SNX29: variants seen among roughly 807,000 people sequenced by gnomAD.
SNX29 encodes sorting nexin-29.
SNX29 carries 78 observed loss-of-function variants against 102.1 expected under a neutral mutation model. The ratio of observed to expected loss-of-function variants is 0.76; its 90% confidence interval spans 0.64 to 0.92. The LOEUF (loss-of-function observed/expected upper bound fraction) is 0.92. SNX29 is among the 40% of genes least tolerant of loss of function. The pLI is 0.00. For missense variants in SNX29, 1,280 were observed against 1,061.7 expected, an observed-to-expected ratio of 1.21 and a Z score of -2.86; for synonymous variants, 580 against 414.5, an observed-to-expected ratio of 1.40 and a Z score of -4.85.
chr16:12,512,089 A>G (rs116828183), intron 19 of SNX29, among the ~76,000 whole-genome samples: 5,530 of 151,850 alleles, frequency 0.036, 131 homozygotes, highest in East Asian at 0.07. Context: ...GTCTCAACAG[A>G]TGAGGCCAAA....
At chr16:12,231,141 A>G (rs13338217) in intron 14 of SNX29, among the ~76,000 whole-genome samples, 2,663 of 152,244 alleles carry the variant, frequency 0.017, 91 homozygotes, top group African/African-American at 0.06. Flanking sequence ...ATGTTAGCCA[A>G]TGTGCCCTGC....
chr16:12,568,324 G>C lies in SNX29; in HGVS notation c.2319-182G>C, dbSNP rs548480716. 7.1e-5 allele frequency among the ~76,000 whole-genome samples: 9 copies of C among 126,202 alleles called. No homozygotes were observed. In the East Asian group the frequency reaches 2.1e-3, roughly 29 times the overall value. The allele number at this position is 126,202 out of a possible 152,430, so 82.8% of individuals were successfully genotyped here. ...GCTGTTAAAAAAAAAAAAATGGAAA[G>C]GTTTACGTGACAATAGGGGTTTCTC... On this transcript the variant is annotated intron_variant, in intron 20 of 20. Coordinates refer to ENST00000566228, the MANE Select transcript of SNX29 (RefSeq NM_032167.5).
chr16:12,327,939 A>G (rs1451207440), intron 15 of SNX29, among the ~76,000 whole-genome samples: 1 of 152,130 alleles, frequency 6.6e-6, no homozygotes, highest in Non-Finnish European at 1.5e-5. Flanking sequence ...ATTTCCGCAT[A>G]ATCTCCGTGT....
At chr16:12,372,553 G>C (rs190736870) in intron 16 of SNX29, 2 of 152,194 alleles carry the variant, frequency 1.3e-5, no homozygotes, top group African/African-American at 2.4e-5. Context: ...GGTTCATGAG[G>C]GGGTGGTAGA....
chr16:12,524,504 A>G (rs1179395189), intron 19 of SNX29, among the ~76,000 whole-genome samples, 198 bp from the exon 20 acceptor site: 3 of 150,768 alleles, frequency 2.0e-5, no homozygotes, highest in Non-Finnish European at 2.9e-5. Flanking sequence ...CCTCCACTTA[A>G]TAATAATATC....
intron 20 of SNX29, among the ~76,000 whole-genome samples, chr16:12,565,446 C>T (rs968264342): frequency 6.6e-6 from 1 of 152,174 alleles, no homozygotes. Flanking sequence ...TCACCTGCCC[C>T]CTCCTCATCC....
chr16:12,297,759 C>G (rs2080030709), intron 15 of SNX29, among the ~76,000 whole-genome samples: 1 of 152,174 alleles, frequency 6.6e-6, no homozygotes, highest in Non-Finnish European at 1.5e-5. Context: ...GAAATGTGAG[C>G]TGCGGAATAT....
At chr16:12,541,770 C>T (rs368286390) in intron 20 of SNX29, among the ~76,000 whole-genome samples, 17 of 152,228 alleles carry the variant, frequency 1.1e-4, no homozygotes, top group Admixed American at 2.6e-4. Flanking sequence ...TACTGACCTG[C>T]GTTTCCAACC....
intron 13 of SNX29, 94 bp downstream of exon 13, chr16:12,129,852 C>T (rs770025076): frequency 8.4e-5 from 119 of 1,418,608 alleles, no homozygotes; most frequent in Admixed American, 5.0e-4. Flanking sequence ...TGCCTGTAAT[C>T]CCAGCACTTT....
intron 3 of SNX29, among the ~76,000 whole-genome samples, chr16:12,009,311 G>T (rs1353186566): frequency 6.6e-6 from 1 of 152,020 alleles, no homozygotes; most frequent in African/African-American, 2.4e-5. Flanking sequence ...GGATTTGGGA[G>T]CCTAAATGGT....
rs372494331 is a variant in SNX29, at chr16:12,553,512, C to G, written c.2319-14994C>G. ...GGCAGGGCAGGTGCACACTTGCCAT[C>G]ACAGTGCTGGAGGAGGGACCCCACA... On this transcript the variant is annotated intron_variant, in intron 20 of 20. Coordinates refer to ENST00000566228, the MANE Select transcript of SNX29 (RefSeq NM_032167.5). 5.9e-5 allele frequency among the ~76,000 whole-genome samples: 9 copies of G among 152,326 alleles called. No individual in the cohort carries two copies. In the East Asian group the frequency reaches 1.2e-3, roughly 20 times the overall value.
chr16:12,508,891 C>T (rs1445150061), intron 19 of SNX29, among the ~76,000 whole-genome samples: 1 of 152,160 alleles, frequency 6.6e-6, no homozygotes, highest in African/African-American at 2.4e-5. Flanking sequence ...GAACATGGCC[C>T]TGGAGTCCCT....
chr16:12,520,083 C>G (rs534274305), intron 19 of SNX29, among the ~76,000 whole-genome samples: 18 of 152,154 alleles, frequency 1.2e-4, no homozygotes, highest in Non-Finnish European at 2.5e-4. Context: ...ATGAATTATT[C>G]TGGGATCTTC....
In SNX29 at chr16:12,554,583, C is replaced by T. The variant is rs182863372; in HGVS notation, c.2319-13923C>T. 2.5e-3 allele frequency among the ~76,000 whole-genome samples: 376 copies of T among 152,304 alleles called. 1 individual carries two copies. The highest frequency in any genetic ancestry group is 4.6e-3 in the Non-Finnish European group (314 of 68,014). On this transcript the variant is annotated intron_variant, in intron 20 of 20. Transcript: ENST00000566228. ...CAATTTCTTAAAGCTGACACCAAGA[C>T]TTGGAGCTCCCAAGCCAGAGGAGCT...
intron 18 of SNX29, among the ~76,000 whole-genome samples, chr16:12,440,741 C>G (rs1047426053): frequency 6.6e-5 from 10 of 152,120 alleles, no homozygotes; most frequent in Admixed American, 5.2e-4. Flanking sequence ...GGCCTCTACC[C>G]CCATCCATGT....
At chr16:12,463,983 T>A (rs2086935191) in intron 18 of SNX29, among the ~76,000 whole-genome samples, 1 of 152,112 alleles carries the variant, frequency 6.6e-6, no homozygotes, top group Admixed American at 6.6e-5. Context: ...TTATAAGATG[T>A]ACCCTTTGAC....
At chr16:12,361,727 C>G (rs1169419535) in intron 16 of SNX29, among the ~76,000 whole-genome samples, 1 of 151,898 alleles carries the variant, frequency 6.6e-6, no homozygotes, top group African/African-American at 2.4e-5. Flanking sequence ...ATATGATATA[C>G]TAATGGTAAT....
intron 1 of SNX29, among the ~76,000 whole-genome samples, chr16:11,977,215 G>C (rs1207788415): frequency 6.6e-6 from 1 of 151,820 alleles, no homozygotes; most frequent in East Asian, 1.9e-4. Flanking sequence ...AGTCATCCCC[G>C]CTACCCAGGC....
chr16:12,350,332 C>T (rs540385637), intron 15 of SNX29, among the ~76,000 whole-genome samples: 1 of 152,310 alleles, frequency 6.6e-6, no homozygotes, highest in Admixed American at 6.5e-5. Context: ...CAATTATTTA[C>T]ATAGCACTTA....
Sources: gnomAD v4.1 joint callset for allele counts (sites outside exome capture counted in the v4.1 genomes callset) on GRCh38, gnomAD v4.1.1 for gene constraint, MANE v1.5 for transcripts, NCBI Gene and HGNC (gene_info 2026-07-23, HGNC 2026-07-21) for gene names.